The following GSE1 variants were observed in gnomAD, a reference collection of about 807,000 sequenced individuals.
The protein encoded by GSE1 is genetic suppressor element 1.
Under a neutral mutation model 112.6 loss-of-function variants are expected in GSE1, and 32 were observed. The ratio of observed to expected loss-of-function variants is 0.28; its 90% CI spans 0.21 to 0.38. The LOEUF is 0.38. Ranked by LOEUF, GSE1 falls within the 10% of genes least tolerant of loss-of-function variation. The probability of loss-of-function intolerance (pLI) is 1.00; values close to 1 mark genes in which losing one functional copy is unlikely to be tolerated. For missense variants in GSE1, 2,348 were observed against 1,699.2 expected (o/e 1.38, Z -6.71); for synonymous variants, 1,115 against 735.6 (o/e 1.52, Z -8.35).
chr16:85,640,253 C>G (rs540770394), intron 2 of GSE1, among the ~76,000 whole-genome samples: 58 of 152,324 alleles, frequency 3.8e-4, no homozygotes, highest in South Asian at 1.4e-3. Flanking sequence ...CACTTCGCTC[C>G]CTTAACACCG....
intron 1 of GSE1, among the ~76,000 whole-genome samples, chr16:85,244,984 T>TC (rs1905477176): frequency 7.3e-6 from 1 of 137,674 alleles, no homozygotes; most frequent in Admixed American, 7.3e-5. Context: ...GAGTGAGACT[T>TC]CATCTCAAAA....
At chr16:85,529,679 C>T (rs1304257788) in intron 2 of GSE1, among the ~76,000 whole-genome samples, 1 of 152,198 alleles carries the variant, frequency 6.6e-6, no homozygotes, top group African/African-American at 2.4e-5. Flanking sequence ...TTAGGTGTCC[C>T]TGGCTGGAAT....
At chr16:85,322,672 A>G (rs890783008) in intron 1 of GSE1, among the ~76,000 whole-genome samples, 7 of 148,816 alleles carry the variant, frequency 4.7e-5, no homozygotes, top group African/African-American at 1.3e-4. Context: ...CTCCAGTGCA[A>G]TGGCGTGATC....
chr16:85,563,581 C>T lies in GSE1; in HGVS notation c.37+7218C>T, dbSNP rs761899559. Among the ~76,000 whole-genome samples the T allele has an allele frequency of 1.7e-4, 26 of 152,186 alleles. 1 individual carries two copies. Among genetic ancestry groups the T allele is most frequent in the Admixed American group, 2.0e-4 (3 of 15,288 alleles). ...CTTATCTCCAGAGGGTGATCCCACC[C>T]CATTCTGGAGCTCAGCCCTGCCGGA... On this transcript the variant is annotated intron_variant, in intron 1 of 2. Coordinates refer to the GSE1 transcript ENST00000635906.
At chr16:85,275,373 G>C (rs534206886) in intron 1 of GSE1, among the ~76,000 whole-genome samples, 43 of 152,212 alleles carry the variant, frequency 2.8e-4, no homozygotes, top group Non-Finnish European at 4.7e-4. Context: ...GAGGGGCGAA[G>C]GCTCTGTCGG....
At chr16:85,387,077 T>C (rs866821209) in intron 2 of GSE1, among the ~76,000 whole-genome samples, 2 of 152,190 alleles carry the variant, frequency 1.3e-5, no homozygotes, top group Non-Finnish European at 2.9e-5. Context: ...AAAGGAGTGA[T>C]AGTGGGGTGC....
At chr16:85,173,440 G>A (rs537430995) in intron 1 of GSE1, among the ~76,000 whole-genome samples, 1 of 152,332 alleles carries the variant, frequency 6.6e-6, no homozygotes, top group Admixed American at 6.5e-5. Flanking sequence ...TGGGGGAAAT[G>A]TAAGTTCCCC....
Position 85,661,155 on chromosome 16 carries a change from A to T in GSE1, c.1650A>T (p.Pro550=). The part of the protein sequence containing the change: ...HRPESTTRPG[P]NRHEPGGRDP... The stretch of plus-strand genomic sequence containing the variant: ...TGGTTTCACTCCCTAGGCCAGGACC[A>T]AACCGTCACGAGCCAGGTGGCCGTG... The change falls in exon 9 of 16, where the codon CCA becomes CCT. Residue 550 remains proline (P), a synonymous_variant. Coordinates refer to ENST00000253458, the MANE Select transcript of GSE1 (RefSeq NM_014615.5). The T allele has an allele frequency of 2.5e-6, 4 of 1,587,236 alleles. No individual in the cohort carries two copies. Among genetic ancestry groups the T allele is most frequent in the Non-Finnish European group, 3.4e-6 (4 of 1,161,050 alleles).
chr16:85,651,120 G>A (rs1037284786), intron 3 of GSE1, among the ~76,000 whole-genome samples: 3 of 129,184 alleles, frequency 2.3e-5, no homozygotes, highest in Non-Finnish European at 5.0e-5. Flanking sequence ...TTGCAGCTGC[G>A]GCTGCAGCCG....
intron 2 of GSE1, among the ~76,000 whole-genome samples, chr16:85,534,128 C>CT (rs71151302): frequency 0.19 from 28,864 of 148,424 alleles, 3,403 homozygotes; most frequent in African/African-American, 0.32. Flanking sequence ...TTTCTTCTTC[C>CT]TTTTTTTTTT....
At position 85,671,056 on chromosome 16, in the gene GSE1, C is replaced by T; in HGVS notation, c.3477C>T (p.Tyr1159=). 1.2e-6 allele frequency: 2 copies of T among 1,612,082 alleles called. No individual in the cohort carries two copies. Among genetic ancestry groups the T allele is most frequent in the Middle Eastern group, 1.7e-4 (1 of 6,046 alleles). ...TQCRRLEARH[Y]SLSLTAEQLS... ...GTAGACGACTGGAGGCCCGGCACTA[C>T]AGCCTCAGCCTGACGGCAGAGCAGC... is the stretch of plus-strand genomic sequence containing the variant. Residue 1159 remains tyrosine, a synonymous_variant, in exon 15 of 16, where the codon TAC becomes TAT. Transcript: ENST00000253458.
chr16:85,305,125 C>A (rs1157051137), intron 1 of GSE1, among the ~76,000 whole-genome samples: 1 of 152,226 alleles, frequency 6.6e-6, no homozygotes, highest in East Asian at 1.9e-4. Context: ...CCTAGGCAAG[C>A]AGCTCCCTGG....
At chr16:85,460,497 G>A (rs1434321557) in intron 2 of GSE1, among the ~76,000 whole-genome samples, 1 of 152,228 alleles carries the variant, frequency 6.6e-6, no homozygotes, top group African/African-American at 2.4e-5. Context: ...GAAAGCACTT[G>A]GCAAAATGTA....
chr16:85,360,446 G>A (rs1276402953), intron 2 of GSE1, among the ~76,000 whole-genome samples: 2 of 152,182 alleles, frequency 1.3e-5, no homozygotes, highest in Non-Finnish European at 2.9e-5. Context: ...AGCCAAGTCC[G>A]GGCAGCTCCT....
At chr16:85,522,920 G>A (rs2052236391) in intron 2 of GSE1, among the ~76,000 whole-genome samples, 2 of 152,078 alleles carry the variant, frequency 1.3e-5, no homozygotes, top group African/African-American at 2.4e-5. Flanking sequence ...GTTTGTGTAT[G>A]TATGTTGTAT....
intron 1 of GSE1, among the ~76,000 whole-genome samples, chr16:85,214,147 G>T (rs1163352084): frequency 6.6e-6 from 1 of 152,216 alleles, no homozygotes; most frequent in African/African-American, 2.4e-5. Flanking sequence ...AGACTGGCGT[G>T]CCCGCCGGCC....
intron 2 of GSE1, among the ~76,000 whole-genome samples, chr16:85,395,889 C>G (rs2047954194): frequency 6.6e-6 from 1 of 152,120 alleles, no homozygotes; most frequent in Non-Finnish European, 1.5e-5. Flanking sequence ...CAGCCAGCGC[C>G]CCGCAGAAGG....
chr16:85,282,776 C>G (rs2044893229), intron 1 of GSE1, among the ~76,000 whole-genome samples: 1 of 152,244 alleles, frequency 6.6e-6, no homozygotes, highest in Admixed American at 6.5e-5. Flanking sequence ...AGTCTTGTCT[C>G]TTGACAAATT....
At chr16:85,431,549 G>A (rs758527714) in intron 2 of GSE1, among the ~76,000 whole-genome samples, 3 of 152,248 alleles carry the variant, frequency 2.0e-5, no homozygotes, top group Non-Finnish European at 4.4e-5. Flanking sequence ...GATCCTTTGA[G>A]CATCAGGGCT....
Sources: gnomAD v4.1 joint callset for allele counts (sites outside exome capture counted in the v4.1 genomes callset) on GRCh38, gnomAD v4.1.1 for gene constraint, MANE v1.5 for transcripts, NCBI Gene and HGNC (gene_info 2026-07-23, HGNC 2026-07-21) for gene names.